The following NUBPL variants were observed in gnomAD, a reference collection of about 807,000 sequenced individuals.
NUBPL encodes iron-sulfur cluster transfer protein NUBPL.
In NUBPL, 31 loss-of-function variants were observed where a neutral mutation model predicts 45.7. The observed-to-expected ratio is 0.68, with a 90% confidence interval of 0.51 to 0.92. The LOEUF (loss-of-function observed/expected upper bound fraction) is 0.92, where lower values mean the gene tolerates loss of function less well. Ranked by LOEUF, NUBPL falls within the 40% of genes least tolerant of loss-of-function variation. The pLI is 0.00. For missense variants in NUBPL, 401 were observed against 398.7 expected (o/e 1.01, Z -0.05); for synonymous variants, 144 against 140.9 (o/e 1.02, Z -0.15).
chr14:31,578,121 A>C, intron 3 of NUBPL: 2 of 537,904 alleles, frequency 3.7e-6, no homozygotes, highest in Non-Finnish European at 6.6e-6. Flanking sequence ...TTACCAAGGA[A>C]TCATTTTGAC....
intron 6 of NUBPL, among the ~76,000 whole-genome samples, chr14:31,728,058 A>G (rs2037965425): frequency 6.6e-6 from 1 of 152,144 alleles, no homozygotes; most frequent in Non-Finnish European, 1.5e-5. Context: ...CTGTTTCTAA[A>G]TTGCTTTGGC....
intron 7 of NUBPL, among the ~76,000 whole-genome samples, chr14:31,803,593 A>G (rs1224064964): frequency 5.9e-5 from 9 of 152,196 alleles, no homozygotes; most frequent in Non-Finnish European, 1.2e-4. Flanking sequence ...AAAGGAGGCA[A>G]TCAATTTTGG....
At chr14:31,628,975 G>A (rs970598957) in intron 4 of NUBPL, among the ~76,000 whole-genome samples, 5 of 152,144 alleles carry the variant, frequency 3.3e-5, no homozygotes, top group Admixed American at 6.5e-5. Context: ...TAAGGTGCCA[G>A]CAGTTTTACC....
intron 7 of NUBPL, among the ~76,000 whole-genome samples, chr14:31,803,270 A>G (rs1402134385): frequency 6.6e-6 from 1 of 152,242 alleles, no homozygotes; most frequent in Admixed American, 6.5e-5. Context: ...TCACTTAGGT[A>G]AACTAAATAA....
In NUBPL at chr14:31,712,022, A is replaced by C. The variant is rs1595530827; in HGVS notation, c.513+38448A>C. Among the ~76,000 whole-genome samples the C allele has an allele frequency of 2.0e-5, 3 of 152,204 alleles. No homozygotes were observed. The South Asian group carries it at 6.2e-4, about 32-fold the overall frequency. On this transcript the variant is annotated intron_variant, in intron 6 of 10. Transcript: ENST00000281081. ...GCAGACCCAAAGAATGAGCATCAGC[A>C]AGATTTATTGTGAAGAGCAAAAGAA...
rs1253993117 is a variant in NUBPL, at chr14:31,562,224, G to A, written c.256+9G>A. On this transcript the variant is annotated intron_variant, in intron 2 of 10. Transcript: ENST00000281081. ...AAAATCTACTACAGCAGGTATTATA[G>A]GATATTAATTCTATTCCTGATTAAG... 6.2e-7 allele frequency: 1 copy of A among 1,611,280 alleles called. No homozygotes were observed.
chr14:31,692,003 G>T (rs2037104798), intron 6 of NUBPL, among the ~76,000 whole-genome samples: 1 of 152,068 alleles, frequency 6.6e-6, no homozygotes, highest in Admixed American at 6.6e-5. Flanking sequence ...ATTTTGTGAT[G>T]CCTTGGGAAA....
At chr14:31,639,297 A>G (rs1266624149) in intron 4 of NUBPL, among the ~76,000 whole-genome samples, 1 of 152,086 alleles carries the variant, frequency 6.6e-6, no homozygotes, top group Non-Finnish European at 1.5e-5. Flanking sequence ...TTTTCCTTCT[A>G]ACAGACAGGA....
intron 3 of NUBPL, among the ~76,000 whole-genome samples, chr14:31,565,612 C>T (rs947010809): frequency 1.3e-5 from 2 of 151,988 alleles, no homozygotes; most frequent in Non-Finnish European, 2.9e-5. Flanking sequence ...ATGGCTGGTG[C>T]ATTAATGGTC....
intron 4 of NUBPL, among the ~76,000 whole-genome samples, chr14:31,601,931 C>T (rs923859578): frequency 1.3e-5 from 2 of 152,184 alleles, no homozygotes; most frequent in South Asian, 4.1e-4. Context: ...TATAAAGACA[C>T]GTGCACACGT....
chr14:31,564,505 T>TAAA (rs60926550), intron 2 of NUBPL, among the ~76,000 whole-genome samples: 1 of 112,536 alleles, frequency 8.9e-6, no homozygotes, highest in African/African-American at 3.4e-5. Context: ...ACCCTGTCTG[T>TAAA]AAAAAAAAAA....
At chr14:31,672,001 A>G (rs2139807327) in intron 4 of NUBPL, among the ~76,000 whole-genome samples, 1 of 152,368 alleles carries the variant, frequency 6.6e-6, no homozygotes, top group African/African-American at 2.4e-5. Flanking sequence ...ATGGTAGAGA[A>G]GTAGGATATG....
At chr14:31,691,323 A>G (rs1449590879) in intron 6 of NUBPL, among the ~76,000 whole-genome samples, 2 of 152,188 alleles carry the variant, frequency 1.3e-5, no homozygotes, top group South Asian at 2.1e-4. Context: ...AGCTTACTTT[A>G]TTGTAAGAAT....
chr14:31,708,407 C>G (rs115458258), intron 6 of NUBPL, among the ~76,000 whole-genome samples: 3 of 152,118 alleles, frequency 2.0e-5, no homozygotes, highest in African/African-American at 7.2e-5. Flanking sequence ...GGTTTATTCC[C>G]TCTTCAGGTA....
intron 6 of NUBPL, among the ~76,000 whole-genome samples, chr14:31,774,046 C>A (rs1267033988): frequency 1.3e-5 from 2 of 152,164 alleles, no homozygotes; most frequent in Non-Finnish European, 2.9e-5. Flanking sequence ...TCTATTTGTT[C>A]TTTGGTTACA....
intron 4 of NUBPL, among the ~76,000 whole-genome samples, chr14:31,642,075 T>C (rs889247295): frequency 1.3e-5 from 2 of 152,174 alleles, no homozygotes; most frequent in Admixed American, 1.3e-4. Context: ...TATGTTCTCT[T>C]TATTAATCCC....
In NUBPL at chr14:31,818,844, A is replaced by T. The variant is rs527616213; in HGVS notation, c.608-7785A>T. ...ATTACAGGCGTGAGCTGCCGTGCCCAGCCAATTGATATAATTTTCTGTAGG... is the reference window on the plus strand; with the variant it reads ...ATTACAGGCGTGAGCTGCCGTGCCCTGCCAATTGATATAATTTTCTGTAGG... On this transcript the variant is annotated intron_variant, in intron 7 of 10. Transcript: ENST00000281081. Among the ~76,000 whole-genome samples the T allele has an allele frequency of 3.9e-5, 6 of 152,282 alleles. No individual in the cohort carries two copies. The East Asian group carries it at 1.2e-3, about 29-fold the overall frequency.
rs142204459 is a variant in NUBPL, at chr14:31,625,194, G to C, written c.382+25815G>C. On this transcript the variant is annotated intron_variant, in intron 4 of 10. Transcript: ENST00000281081. ...TGTACCCTAGAAGCCAAGGAAGCAG[G>C]GAGTTTTGGGAGGAAGTGGTTAACA... Among the ~76,000 whole-genome samples, 34 of 152,246 alleles carry C rather than the reference G, an allele frequency of 2.2e-4. No homozygotes were observed. The East Asian group carries it at 6.2e-3, about 28-fold the overall frequency.
At position 31,651,710 on chromosome 14, in the gene NUBPL, A is replaced by G. The variant is rs375042602; in HGVS notation, c.383-21645A>G. Among the ~76,000 whole-genome samples the G allele has an allele frequency of 1.4e-4, 21 of 152,200 alleles. No individual in the cohort carries two copies. The East Asian group carries it at 3.7e-3, about 27-fold the overall frequency. On this transcript the variant is annotated intron_variant, in intron 4 of 10. Transcript: ENST00000281081. ...TCAGGAGATCGAGACAATCCTGGCT[A>G]ACATGGTGAAACCCCATCTCTACTA...
Sources: gnomAD v4.1 joint callset for allele counts (sites outside exome capture counted in the v4.1 genomes callset) on GRCh38, gnomAD v4.1.1 for gene constraint, MANE v1.5 for transcripts, NCBI Gene and HGNC (gene_info 2026-07-23, HGNC 2026-07-21) for gene names.